The following NTAQ1 variants were observed in gnomAD, a reference collection of about 807,000 sequenced individuals.
NTAQ1 encodes the protein protein N-terminal glutamine amidohydrolase.
Under a neutral mutation model 28.2 loss-of-function variants are expected in NTAQ1, and 21 were observed. The ratio of observed to expected loss-of-function variants is 0.74; its 90% CI spans 0.53 to 1.07. The LOEUF is 1.07. Among genes scored for constraint, NTAQ1 ranks in the 50% least tolerant of loss-of-function variants. NTAQ1 has a pLI of 0.00. For synonymous variants in NTAQ1, 105 were observed against 90.0 expected (o/e 1.17, Z -0.94); for missense variants, 264 against 256.6 (o/e 1.03, Z -0.20).
At chr8:123,446,390 A>G (rs1225278386), downstream of NTAQ1, among the ~76,000 whole-genome samples, 3 of 152,218 alleles carry the variant, frequency 2.0e-5, no homozygotes, top group Non-Finnish European at 4.4e-5. Context: ...GCAGGCCATA[A>G]GGCCTCTGCC....
chr8:123,452,971 C>T (rs1262002473), downstream of NTAQ1, among the ~76,000 whole-genome samples: 2 of 152,208 alleles, frequency 1.3e-5, no homozygotes, highest in Non-Finnish European at 2.9e-5. Flanking sequence ...CAGAACTTCA[C>T]TTAGAGTCAA....
At chr8:123,429,950 G>C (rs1430611003) in intron 2 of NTAQ1, 33 bp from the exon 3 acceptor site, 1 of 1,515,526 alleles carries the variant, frequency 6.6e-7, no homozygotes, top group Admixed American at 1.9e-5. Context: ...TTTAACTAAA[G>C]GTATGGCTTA....
chr8:123,423,307 C>T (rs931923956), intron 1 of NTAQ1, among the ~76,000 whole-genome samples: 1 of 26,244 alleles, frequency 3.8e-5, no homozygotes, highest in Non-Finnish European at 9.1e-5. Flanking sequence ...TTTGTTTTCT[C>T]TTCTCTTCTT....
chr8:123,452,422 C>G (rs916190086), downstream of NTAQ1, among the ~76,000 whole-genome samples: 2 of 152,160 alleles, frequency 1.3e-5, no homozygotes, highest in Non-Finnish European at 2.9e-5. Context: ...CATGATGAAA[C>G]CCTGTCTCTA....
intron 3 of NTAQ1, among the ~76,000 whole-genome samples, chr8:123,434,593 C>T (rs934714515): frequency 3.3e-5 from 5 of 152,232 alleles, no homozygotes; most frequent in Admixed American, 2.0e-4. Context: ...CCACTGTGCT[C>T]CAGCCTGGGT....
chr8:123,459,575 A>T (rs1815756715), intron 6 of NTAQ1, among the ~76,000 whole-genome samples: 1 of 152,116 alleles, frequency 6.6e-6, no homozygotes. Context: ...CCTTATTAGA[A>T]AAAAAGATGT....
At chr8:123,420,362 T>C (rs545210179) in intron 1 of NTAQ1, among the ~76,000 whole-genome samples, 2 of 152,318 alleles carry the variant, frequency 1.3e-5, no homozygotes, top group South Asian at 4.1e-4. Context: ...CTATCATGAA[T>C]AGTGCTGTGA....
At chr8:123,424,306 G>A (rs1357103146) in intron 1 of NTAQ1, among the ~76,000 whole-genome samples, 3 of 151,262 alleles carry the variant, frequency 2.0e-5, no homozygotes, top group African/African-American at 2.4e-5. Context: ...GCAGTAGCAC[G>A]ATCTCAGCTT....
intron 3 of NTAQ1, chr8:123,435,478 A>G: frequency 2.0e-6 from 2 of 985,340 alleles, no homozygotes; most frequent in Non-Finnish European, 2.4e-6. Context: ...ACTAGTTTGG[A>G]GCAGATCCTT....
chr8:123,425,731 C>T (rs1814012196), intron 1 of NTAQ1, among the ~76,000 whole-genome samples: 1 of 152,106 alleles, frequency 6.6e-6, no homozygotes, highest in East Asian at 1.9e-4. Flanking sequence ...GGCTTTGGGC[C>T]GGGCGTGGTG....
intron 6 of NTAQ1, among the ~76,000 whole-genome samples, chr8:123,459,078 A>C (rs1416372079): frequency 1.3e-5 from 2 of 151,944 alleles, no homozygotes; most frequent in African/African-American, 4.8e-5. Context: ...CTCCGTCTCA[A>C]ATAAATAAAA....
At chr8:123,451,252 C>G (rs889800955), downstream of NTAQ1, among the ~76,000 whole-genome samples, 5 of 152,186 alleles carry the variant, frequency 3.3e-5, no homozygotes, top group African/African-American at 1.2e-4. Flanking sequence ...GCTGACTGCC[C>G]CAGTCAACAT....
downstream of NTAQ1, among the ~76,000 whole-genome samples, chr8:123,471,273 G>A (rs1035101440): frequency 6.6e-6 from 1 of 151,880 alleles, no homozygotes; most frequent in Non-Finnish European, 1.5e-5. Context: ...CAGGTTAAAG[G>A]CTCACTCTAC....
Position 123,430,937 on chromosome 8 carries a change from A to G in NTAQ1, c.234+904A>G, listed in dbSNP as rs1056986410. On this transcript the variant is annotated intron_variant, in intron 3 of 5. Coordinates refer to ENST00000287387, the MANE Select transcript of NTAQ1 (RefSeq NM_018024.3). Reference sequence around the variant, plus strand: ...TTCAGGGAAGAAATAAACACAGAAGAGCAAACTGAGTAGCTCAGAGTGGCA... The same window carrying G: ...TTCAGGGAAGAAATAAACACAGAAGGGCAAACTGAGTAGCTCAGAGTGGCA... Among the ~76,000 whole-genome samples the G allele has an allele frequency of 2.6e-5, 4 of 152,158 alleles. No individual in the cohort carries two copies. In the East Asian group the frequency reaches 5.8e-4, roughly 22 times the overall value.
At chr8:123,460,953 T>G (rs1815807166) in intron 6 of NTAQ1, among the ~76,000 whole-genome samples, 1 of 152,248 alleles carries the variant, frequency 6.6e-6, no homozygotes. Context: ...TTCTGTCAGG[T>G]ACTCTGCTCT....
chr8:123,453,174 C>T (rs558684492), intron 6 of NTAQ1, among the ~76,000 whole-genome samples: 1 of 152,280 alleles, frequency 6.6e-6, no homozygotes, highest in East Asian at 1.9e-4. Context: ...CTATGTTTGA[C>T]CTCCTTGGGG....
intron 6 of NTAQ1, among the ~76,000 whole-genome samples, chr8:123,466,277 A>G (rs1038998571): frequency 1.8e-4 from 27 of 152,334 alleles, no homozygotes; most frequent in Middle Eastern, 6.8e-3. Flanking sequence ...GCCACTCAGA[A>G]GCCAATTAAA....
At chr8:123,452,036 C>A (rs1472285314), downstream of NTAQ1, among the ~76,000 whole-genome samples, 1 of 152,178 alleles carries the variant, frequency 6.6e-6, no homozygotes, top group Non-Finnish European at 1.5e-5. Context: ...CAAAGAACAC[C>A]ATGGATTTAT....
chr8:123,425,181 TCC>T (rs1813969678), intron 1 of NTAQ1, among the ~76,000 whole-genome samples: 1 of 152,022 alleles, frequency 6.6e-6, no homozygotes, highest in African/African-American at 2.4e-5. Flanking sequence ...AACCTCCGCC[TCC>T]TGGTTTCAAG....
Sources: gnomAD v4.1 joint callset for allele counts (sites outside exome capture counted in the v4.1 genomes callset) on GRCh38, gnomAD v4.1.1 for gene constraint, MANE v1.5 for transcripts, NCBI Gene and HGNC (gene_info 2026-07-23, HGNC 2026-07-21) for gene names.